The following HNRNPM variants were observed in gnomAD, a reference collection of about 807,000 sequenced individuals.
The protein encoded by HNRNPM is CEA receptor.
A neutral mutation model predicts 73.1 loss-of-function variants in HNRNPM; 11 were observed. That is an observed-to-expected ratio of 0.15 (90% CI 0.09 to 0.25). HNRNPM has a LOEUF of 0.25. Among genes scored for constraint, HNRNPM ranks in the 10% least tolerant of loss-of-function variants. The pLI is 1.00. For missense variants in HNRNPM, 789 were observed against 1,067.9 expected, an observed-to-expected ratio of 0.74 and a Z score of 3.64; for synonymous variants, 407 against 355.2, an observed-to-expected ratio of 1.15 and a Z score of -1.64.
At chr19:8,485,505 C>T in intron 13 of HNRNPM, 98 bp from the exon 14 acceptor site, 1 of 1,202,914 alleles carries the variant, frequency 8.3e-7, no homozygotes, top group East Asian at 2.3e-5. Flanking sequence ...TGGGCCTTTA[C>T]CCCTGATCCA....
At chr19:8,486,439 T>A in intron 14 of HNRNPM, 34 bp downstream of exon 14, 1 of 1,520,364 alleles carries the variant, frequency 6.6e-7, no homozygotes, top group Non-Finnish European at 8.8e-7. Flanking sequence ...TTGGTGGTGG[T>A]GAGCATGAGG....
intron 1 of HNRNPM, among the ~76,000 whole-genome samples, chr19:8,450,713 T>C (rs944641472): frequency 2.2e-5 from 1 of 46,008 alleles, no homozygotes; most frequent in African/African-American, 3.3e-5. Flanking sequence ...ATTTAATTAA[T>C]TATTATTATT....
At chr19:8,464,329 G>T (rs985638183) in intron 5 of HNRNPM, among the ~76,000 whole-genome samples, 1 of 152,114 alleles carries the variant, frequency 6.6e-6, no homozygotes, top group Non-Finnish European at 1.5e-5. Flanking sequence ...GAGGAAGAAG[G>T]TTTTTTTGTT....
intron 2 of HNRNPM, among the ~76,000 whole-genome samples, chr19:8,460,040 CTG>C (rs2145646717): frequency 6.6e-6 from 1 of 152,226 alleles, no homozygotes; most frequent in Non-Finnish European, 1.5e-5. Flanking sequence ...TTATTAATAA[CTG>C]TGAGTGCCGT....
chr19:8,468,975 G>A (rs996109358), intron 9 of HNRNPM, 141 bp downstream of exon 9: 10 of 674,376 alleles, frequency 1.5e-5, no homozygotes, highest in Non-Finnish European at 2.7e-5. Context: ...GATTTTTCAG[G>A]GTGAGAAATG....
chr19:8,448,945 G>C (rs978809306), intron 1 of HNRNPM, among the ~76,000 whole-genome samples: 1 of 152,126 alleles, frequency 6.6e-6, no homozygotes, highest in African/African-American at 2.4e-5. Context: ...CCAGGTTCAG[G>C]AACCTGACCT....
At chr19:8,474,925 G>C (rs1970399184) in intron 12 of HNRNPM, among the ~76,000 whole-genome samples, 1 of 152,140 alleles carries the variant, frequency 6.6e-6, no homozygotes, top group Admixed American at 6.6e-5. Flanking sequence ...ATGTTGGCCA[G>C]GCTGGCCTCG....
intron 8 of HNRNPM, 73 bp downstream of exon 8, chr19:8,467,657 A>G: frequency 1.9e-6 from 2 of 1,039,872 alleles, no homozygotes; most frequent in Non-Finnish European, 3.0e-6. Flanking sequence ...GAGTGTACAT[A>G]TAGCCACTAT....
In HNRNPM at chr19:8,445,239, C is replaced by T. The variant is rs1313943953; in HGVS notation, c.113+128C>T. On this transcript the variant is annotated intron_variant, in intron 1 of 15. Coordinates refer to ENST00000325495, the MANE Select transcript of HNRNPM (RefSeq NM_005968.5). The stretch of plus-strand genomic sequence containing the variant: ...CTCGGCCCCGGCTGTTCCCGTACCG[C>T]CTGCTCAGGGTAGCGGCGTCTAGGG... The T allele has an allele frequency of 3.6e-6, 3 of 838,510 alleles. No individual in the cohort carries two copies. In the Admixed American group the frequency reaches 1.3e-4, roughly 36 times the overall value. 51.9% of individuals were successfully genotyped at this position (838,510 alleles called of 1,614,324 possible).
In HNRNPM at chr19:8,489,029, A is replaced by T; in HGVS notation, c.*175A>T. ...GTTCCATTTGACTGTTTGCATTGAG[A>T]TTGCAATGTGCGCAATTTTTTTTGT... On this transcript the variant is annotated 3_prime_UTR_variant, in exon 16 of 16. Coordinates refer to ENST00000325495, the MANE Select transcript of HNRNPM (RefSeq NM_005968.5). 1.7e-6 allele frequency: 1 copy of T among 593,442 alleles called. No individual in the cohort carries two copies. The highest frequency in any genetic ancestry group is 1.8e-5 in the African/African-American group (1 of 54,128). 36.8% of individuals were successfully genotyped at this position (593,442 alleles called of 1,614,324 possible).
At chr19:8,465,612 A>C (rs1236634105) in intron 6 of HNRNPM, 97 bp downstream of exon 6, 1 of 881,222 alleles carries the variant, frequency 1.1e-6, no homozygotes, top group Non-Finnish European at 1.7e-6. Flanking sequence ...TTTGAGAAGA[A>C]AAATGTAAAG....
chr19:8,486,327 C>A lies in HNRNPM; in HGVS notation c.1899C>A (p.Ser633Arg). The A allele has an allele frequency of 1.9e-6, 3 of 1,599,658 alleles. No homozygotes were observed. Among genetic ancestry groups the A allele is most frequent in the Non-Finnish European group, 2.5e-6 (3 of 1,179,766 alleles). Residue 633 changes from serine (S) to arginine (R), a missense_variant, in exon 14 of 16, where the codon AGC becomes AGA. This residue lies in a region of HNRNPM where 604 missense variants were observed against 744.0 expected (regional missense o/e 0.81). Transcript: ENST00000325495. ...IEMERGNFGG[S>R]FAGSFGGAGG... is the part of the protein sequence containing the mutation. ...TGGAGCGTGGCAACTTCGGAGGAAG[C>A]TTCGCAGGTTCCTTTGGTGGAGCTG...
At chr19:8,455,725 G>GTTTT in intron 2 of HNRNPM, 151 bp downstream of exon 2, 2 of 413,208 alleles carry the variant, frequency 4.8e-6, no homozygotes. Context: ...CCCCACCTCA[G>GTTTT]TTTTTTTTTT....
intron 12 of HNRNPM, among the ~76,000 whole-genome samples, chr19:8,476,063 C>G (rs74755307): frequency 1.1e-4 from 17 of 152,120 alleles, no homozygotes; most frequent in Admixed American, 1.1e-3. Context: ...CGATGGTGAA[C>G]TGGCAGGTGT....
intron 15 of HNRNPM, 99 bp downstream of exon 15, chr19:8,487,174 T>C: frequency 1.0e-6 from 1 of 1,002,026 alleles, no homozygotes; most frequent in Non-Finnish European, 1.6e-6. Context: ...CTCCGTCGGC[T>C]CAGGACCCAT....
At position 8,462,369 on chromosome 19, in the gene HNRNPM, C is replaced by T. The variant is rs1187611009; in HGVS notation, c.284-160C>T. On this transcript the variant is annotated intron_variant, in intron 2 of 15. Transcript: ENST00000325495. The surrounding 1 kb of genome is among the most constrained non-coding windows in gnomAD (Gnocchi z 4.5). Reference sequence around the variant, plus strand: ...GTTTTCACCTACTTTTACTGCACACCTGTAATGCCTAGTTCGGTGGTTTAG... The same window carrying T: ...GTTTTCACCTACTTTTACTGCACACTTGTAATGCCTAGTTCGGTGGTTTAG... 1.5e-6 allele frequency: 1 copy of T among 658,634 alleles called. No homozygotes were observed. The highest frequency in any genetic ancestry group is 2.6e-5 in the East Asian group (1 of 38,618). 40.8% of individuals were successfully genotyped at this position (658,634 alleles called of 1,614,324 possible). A position where few individuals can be genotyped will look rare whatever the true frequency, so the allele number is the denominator to read the frequency against.
At chr19:8,470,896 C>T (rs1432683310) in intron 9 of HNRNPM, among the ~76,000 whole-genome samples, 1 of 152,142 alleles carries the variant, frequency 6.6e-6, no homozygotes, top group African/African-American at 2.4e-5. Context: ...GAGTAGTGGA[C>T]ACCCAGGATG....
chr19:8,483,228 TTGA>T lies in HNRNPM; in HGVS notation c.1174+20_1174+22del. 1 of 1,600,506 alleles carries T rather than the reference TTGA, an allele frequency of 6.2e-7. No homozygotes were observed. Among genetic ancestry groups the T allele is most frequent in the Non-Finnish European group, 8.6e-7 (1 of 1,167,830 alleles). ...AGGGAGGAGGTAGGAACCGCTTAGT[TTGA>T]TGTTTTGTTTTTTTAGAACAGGCTG... is the stretch of plus-strand genomic sequence containing the variant. On this transcript the variant is annotated intron_variant, in intron 13 of 15. Transcript: ENST00000325495.
At chr19:8,468,684 C>T (rs1240250690) in intron 8 of HNRNPM, 90 bp from the exon 9 acceptor site, 3 of 934,246 alleles carry the variant, frequency 3.2e-6, no homozygotes, top group South Asian at 1.3e-5. Context: ...TTAGCTGGTC[C>T]TCTCTTGATG....
Sources: allele counts gnomAD v4.1 joint callset (sites outside exome capture counted in the v4.1 genomes callset), GRCh38; gene constraint gnomAD v4.1.1; regional missense constraint gnomAD v4.1.1; non-coding constraint Gnocchi (gnomAD v3.1); transcripts MANE v1.5; gene names NCBI Gene and HGNC (gene_info 2026-07-23, HGNC 2026-07-21).